The following RNF185 variants were observed in gnomAD, a reference collection of about 807,000 sequenced individuals.
The protein encoded by RNF185 is E3 ubiquitin-protein ligase RNF185.
In RNF185, 13 loss-of-function variants were observed where a neutral mutation model predicts 24.9. The observed-to-expected ratio is 0.52, with a 90% CI of 0.34 to 0.83. The LOEUF is 0.83. Ranked by LOEUF, RNF185 falls within the 40% of genes least tolerant of loss-of-function variation. The pLI is 0.01. For missense variants in RNF185, 184 were observed against 244.7 expected (o/e 0.75, Z 1.65); for synonymous variants, 79 against 90.3 (o/e 0.88, Z 0.71).
intron 1 of RNF185, among the ~76,000 whole-genome samples, chr22:31,172,912 A>G (rs770108635): frequency 6.6e-6 from 1 of 152,208 alleles, no homozygotes; most frequent in Non-Finnish European, 1.5e-5. Flanking sequence ...TATTTCTTTC[A>G]TGGTGTTATA....
intron 4 of RNF185, among the ~76,000 whole-genome samples, chr22:31,196,377 A>G (rs1042142826): frequency 2.0e-5 from 3 of 152,216 alleles, no homozygotes; most frequent in African/African-American, 4.8e-5. Flanking sequence ...TGGGTCTGTC[A>G]TCAGTATTAC....
At chr22:31,164,437 T>C (rs1023003287) in intron 1 of RNF185, among the ~76,000 whole-genome samples, 3 of 152,220 alleles carry the variant, frequency 2.0e-5, no homozygotes, top group Non-Finnish European at 4.4e-5. Flanking sequence ...ACAATATTAC[T>C]AGCTAATCTA....
At chr22:31,192,884 G>A (rs75951213) in intron 3 of RNF185, among the ~76,000 whole-genome samples, 182 bp downstream of exon 3, 1,533 of 152,270 alleles carry the variant, frequency 0.01, 19 homozygotes, top group Non-Finnish European at 0.011. Flanking sequence ...AATCGGGATG[G>A]TCCTAATTCT....
rs1322464095 is a variant in RNF185, at chr22:31,170,427, G to T, written c.-49+10124G>T. Among the ~76,000 whole-genome samples, 4 of 152,136 alleles carry T rather than the reference G, an allele frequency of 2.6e-5. No homozygotes were observed. The East Asian group carries it at 7.7e-4, about 29-fold the overall frequency. ...GATGGTCTCGATCTCCTTACCTTGT[G>T]ATCCACCCGCCTTGGCCTCCCAAAG... is the stretch of plus-strand genomic sequence containing the variant. On this transcript the variant is annotated intron_variant, in intron 1 of 6. Transcript: ENST00000326132.
chr22:31,169,266 G>A (rs1346916793), intron 1 of RNF185, among the ~76,000 whole-genome samples: 2 of 152,010 alleles, frequency 1.3e-5, no homozygotes, highest in African/African-American at 4.8e-5. Context: ...TATGTATTCA[G>A]GATATTAATT....
intron 5 of RNF185, 22 bp downstream of exon 5, chr22:31,197,012 G>A (rs1373488230): frequency 2.5e-6 from 4 of 1,613,276 alleles, no homozygotes; most frequent in South Asian, 2.2e-5. Flanking sequence ...TCTAGGAGAA[G>A]CTTCTACAAA....
rs200039899 is a variant in RNF185 at position 31,176,196 on chromosome 22, CT to C, written c.-48-10844del. Among the ~76,000 whole-genome samples the C allele has an allele frequency of 2.2e-4, 34 of 151,986 alleles. No homozygotes were observed. In the East Asian group the frequency reaches 5.4e-3, roughly 24 times the overall value. On this transcript the variant is annotated intron_variant, in intron 1 of 6. Transcript: ENST00000326132. ...CTACTACAGTTAATATTTTTGACCT[CT>C]TTTTTTGGTATCTTTTTAACCTGCT... is the stretch of plus-strand genomic sequence containing the variant.
At chr22:31,184,548 G>C (rs1291846565) in intron 1 of RNF185, among the ~76,000 whole-genome samples, 1 of 152,150 alleles carries the variant, frequency 6.6e-6, no homozygotes, top group African/African-American at 2.4e-5. Context: ...TCGGCACTTT[G>C]GGAGGCCAAG....
intron 1 of RNF185, among the ~76,000 whole-genome samples, chr22:31,177,166 C>T (rs574534238): frequency 1.4e-4 from 22 of 152,086 alleles, no homozygotes; most frequent in Non-Finnish European, 2.8e-4. Flanking sequence ...GTACTATGTA[C>T]ACACTTCTGT....
intron 2 of RNF185, among the ~76,000 whole-genome samples, chr22:31,191,019 A>C (rs1325051300): frequency 6.6e-6 from 1 of 152,266 alleles, no homozygotes; most frequent in African/African-American, 2.4e-5. Context: ...TATGTAGCCT[A>C]GGTGTGTAGT....
At chr22:31,201,936 C>T (rs1043320245) in intron 6 of RNF185, among the ~76,000 whole-genome samples, 15 of 152,112 alleles carry the variant, frequency 9.9e-5, no homozygotes, top group African/African-American at 3.6e-4. Context: ...AGACATACCC[C>T]ATGTCTATAA....
At chr22:31,187,376 C>T (rs2048110478) in intron 2 of RNF185, 106 bp downstream of exon 2, 14 of 1,244,552 alleles carry the variant, frequency 1.1e-5, no homozygotes, top group Middle Eastern at 1.9e-4. Flanking sequence ...TGGGAATACA[C>T]TCAGGCTCAA....
At chr22:31,178,445 G>A (rs753134731) in intron 1 of RNF185, among the ~76,000 whole-genome samples, 4 of 152,156 alleles carry the variant, frequency 2.6e-5, no homozygotes, top group Admixed American at 6.6e-5. Context: ...GAAAGTGAGG[G>A]CTACATTAAA....
intron 1 of RNF185, among the ~76,000 whole-genome samples, chr22:31,182,236 T>A (rs533578852): frequency 6.6e-6 from 1 of 151,540 alleles, no homozygotes; most frequent in South Asian, 2.1e-4. Context: ...CTCAGCCTCC[T>A]GACTGTCTGG....
intron 1 of RNF185, among the ~76,000 whole-genome samples, chr22:31,164,470 A>G (rs980965082): frequency 4.0e-5 from 6 of 151,670 alleles, no homozygotes; most frequent in Admixed American, 1.3e-4. Context: ...AGATTTTGCT[A>G]TTTGTCCCAC....
intron 5 of RNF185, among the ~76,000 whole-genome samples, chr22:31,197,592 G>A (rs912049307): frequency 4.6e-5 from 7 of 152,228 alleles, no homozygotes; most frequent in African/African-American, 1.7e-4. Flanking sequence ...GTCTCACTCT[G>A]TAGCCCAGGC....
At chr22:31,173,057 T>C (rs1469114289) in intron 1 of RNF185, among the ~76,000 whole-genome samples, 2 of 152,222 alleles carry the variant, frequency 1.3e-5, no homozygotes, top group Non-Finnish European at 2.9e-5. Flanking sequence ...ATCAAACATC[T>C]ACTTCCTGTC....
intron 1 of RNF185, among the ~76,000 whole-genome samples, chr22:31,171,966 C>T (rs2047934967): frequency 6.6e-6 from 1 of 151,620 alleles, no homozygotes; most frequent in Non-Finnish European, 1.5e-5. Flanking sequence ...GAAACTCCAT[C>T]TCAAAAAAAA....
intron 4 of RNF185, 101 bp downstream of exon 4, chr22:31,195,682 A>G (rs756292085): frequency 8.1e-6 from 6 of 739,470 alleles, no homozygotes; most frequent in Non-Finnish European, 1.4e-5. Context: ...GTACTAGATG[A>G]TCTCTTGGTT....
Sources: allele counts gnomAD v4.1 joint callset (sites outside exome capture counted in the v4.1 genomes callset), GRCh38; gene constraint gnomAD v4.1.1; transcripts MANE v1.5; gene names NCBI Gene and HGNC (gene_info 2026-07-23, HGNC 2026-07-21).